Variants in PIP4K2A observed in about 807,000 individuals in gnomAD.
PIP4K2A encodes the protein phosphatidylinositol-5-phosphate 4-kinase type 2 alpha, also known as phosphatidylinositol 5-phosphate 4-kinase type-2 alpha.
In PIP4K2A, 14 loss-of-function variants were observed where a neutral mutation model predicts 42.9. The ratio of observed to expected loss-of-function variants is 0.33; its 90% confidence interval spans 0.22 to 0.51. PIP4K2A has a LOEUF of 0.51. Ranked by LOEUF, PIP4K2A falls within the 20% of genes least tolerant of loss-of-function variation. The pLI is 0.97. For synonymous variants in PIP4K2A, 192 were observed against 192.2 expected, an observed-to-expected ratio of 1.00 and a Z score of 0.01; for missense variants, 434 against 519.8, an observed-to-expected ratio of 0.83 and a Z score of 1.61.
At chr10:22,651,723 G>A (rs1839000746) in intron 1 of PIP4K2A, among the ~76,000 whole-genome samples, 1 of 152,232 alleles carries the variant, frequency 6.6e-6, no homozygotes. Context: ...ACCGGTGAGA[G>A]CAAGGCCACG....
chr10:22,619,160 T>C (rs1838254147), intron 1 of PIP4K2A, among the ~76,000 whole-genome samples: 1 of 151,444 alleles, frequency 6.6e-6, no homozygotes. Flanking sequence ...TTGAAACAAT[T>C]AAGAACTTTA....
Position 22,536,953 on chromosome 10 carries a change from A to C in PIP4K2A, c.*248T>G. ...TTTTAAAATGCACACGCGCGCACAC[A>C]CTCACCCCCCCCCAACACACACACA... On this transcript the variant is annotated 3_prime_UTR_variant, in exon 10 of 10. Transcript: ENST00000376573. The C allele has an allele frequency of 1.6e-5, 6 of 363,994 alleles. No homozygotes were observed. The highest frequency in any genetic ancestry group is 5.9e-5 in the African/African-American group (1 of 16,884). 22.5% of individuals were successfully genotyped at this position (363,994 alleles called of 1,614,324 possible).
At chr10:22,706,594 T>C (rs1833828039) in intron 1 of PIP4K2A, among the ~76,000 whole-genome samples, 1 of 152,252 alleles carries the variant, frequency 6.6e-6, no homozygotes, top group Admixed American at 6.5e-5. Context: ...TTTACGTCTG[T>C]GTCCCCTGTA....
intron 1 of PIP4K2A, among the ~76,000 whole-genome samples, chr10:22,628,185 C>T (rs909283191): frequency 6.6e-6 from 1 of 152,122 alleles, no homozygotes; most frequent in African/African-American, 2.4e-5. Flanking sequence ...TGATTAAACA[C>T]AAGATGACTT....
chr10:22,610,567 T>G (rs1838009316), intron 1 of PIP4K2A, among the ~76,000 whole-genome samples: 1 of 152,250 alleles, frequency 6.6e-6, no homozygotes, highest in African/African-American at 2.4e-5. Flanking sequence ...AAGAATGAGC[T>G]GCTTGATAGA....
chr10:22,706,417 G>A (rs1447697397), intron 1 of PIP4K2A, among the ~76,000 whole-genome samples: 2 of 152,062 alleles, frequency 1.3e-5, no homozygotes, highest in African/African-American at 2.4e-5. Flanking sequence ...CCAGCCTCAC[G>A]GCCTTTGCAC....
chr10:22,631,116 T>G (rs567394753), intron 1 of PIP4K2A, among the ~76,000 whole-genome samples: 16 of 152,312 alleles, frequency 1.1e-4, no homozygotes, highest in African/African-American at 3.6e-4. Context: ...TACTTTGTAT[T>G]GATGGTCAAT....
At chr10:22,606,023 CT>C (rs1837898983) in intron 3 of PIP4K2A, among the ~76,000 whole-genome samples, 1 of 151,674 alleles carries the variant, frequency 6.6e-6, no homozygotes, top group Non-Finnish European at 1.5e-5. Context: ...TAATTGTGAT[CT>C]AAGTTCTCTC....
intron 1 of PIP4K2A, among the ~76,000 whole-genome samples, chr10:22,636,780 A>G (rs1838675203): frequency 6.6e-6 from 1 of 152,200 alleles, no homozygotes; most frequent in Non-Finnish European, 1.5e-5. Context: ...ATCCTTATGC[A>G]GCCCCTTCCC....
chr10:22,671,147 T>C (rs1036440710), intron 1 of PIP4K2A, among the ~76,000 whole-genome samples: 5 of 151,988 alleles, frequency 3.3e-5, no homozygotes, highest in Non-Finnish European at 7.4e-5. Flanking sequence ...CGTCCACACA[T>C]ATATATATAC....
intron 6 of PIP4K2A, 73 bp downstream of exon 6, chr10:22,567,778 T>TAAAGAGTA (rs1564424075): frequency 1.6e-6 from 2 of 1,277,102 alleles, no homozygotes; most frequent in Non-Finnish European, 2.3e-6. Flanking sequence ...AGACTAGAAA[T>TAAAGAGTA]AAAGAGTAAA....
At chr10:22,572,047 G>A (rs1020853463) in intron 5 of PIP4K2A, among the ~76,000 whole-genome samples, 2 of 152,114 alleles carry the variant, frequency 1.3e-5, no homozygotes, top group Admixed American at 6.5e-5. Flanking sequence ...TTTTAATACT[G>A]TAAATATCCA....
intron 3 of PIP4K2A, among the ~76,000 whole-genome samples, chr10:22,592,742 C>A (rs1837541678): frequency 6.6e-6 from 1 of 152,206 alleles, no homozygotes; most frequent in African/African-American, 2.4e-5. Context: ...AATGGCCGTC[C>A]AGCCATGGGG....
At chr10:22,628,620 A>G (rs140631139) in intron 1 of PIP4K2A, among the ~76,000 whole-genome samples, 201 of 152,338 alleles carry the variant, frequency 1.3e-3, no homozygotes, top group Non-Finnish European at 2.1e-3. Context: ...GAGATATCAG[A>G]TACACGTAAG....
chr10:22,664,116 C>CATATATATATATACATATATATATACAT (rs1839279624), intron 1 of PIP4K2A, among the ~76,000 whole-genome samples: 3 of 50,506 alleles, frequency 5.9e-5, no homozygotes, highest in Non-Finnish European at 9.8e-5. Context: ...TATATATATA[C>CATATATATATATACATATATATATACAT]ATATATATAT....
At chr10:22,673,709 TAGAA>T (rs1291040441) in intron 1 of PIP4K2A, among the ~76,000 whole-genome samples, 2 of 152,150 alleles carry the variant, frequency 1.3e-5, no homozygotes, top group East Asian at 1.9e-4. Flanking sequence ...AATAGGAAGA[TAGAA>T]AGCACTATTC....
chr10:22,544,685 A>G (rs1416400796), intron 7 of PIP4K2A, among the ~76,000 whole-genome samples: 1 of 152,184 alleles, frequency 6.6e-6, no homozygotes, highest in Admixed American at 6.5e-5. Flanking sequence ...TCAAAATGTG[A>G]ACCTGATCCC....
chr10:22,615,251 G>A (rs1274224759), intron 1 of PIP4K2A, among the ~76,000 whole-genome samples: 5 of 152,088 alleles, frequency 3.3e-5, no homozygotes, highest in East Asian at 1.9e-4. Context: ...GACTACAGGC[G>A]CACACCACCA....
At chr10:22,659,597 G>C (rs528447040) in intron 1 of PIP4K2A, 3 of 152,214 alleles carry the variant, frequency 2.0e-5, no homozygotes, top group Non-Finnish European at 2.9e-5. Context: ...AGAGCAGATC[G>C]ATAGGAACTT....
Sources: gnomAD v4.1 joint callset for allele counts (sites outside exome capture counted in the v4.1 genomes callset) on GRCh38, gnomAD v4.1.1 for gene constraint, MANE v1.5 for transcripts, NCBI Gene and HGNC (gene_info 2026-07-23, HGNC 2026-07-21) for gene names.